The following PIK3R5 variants were observed in gnomAD, a reference collection of about 807,000 sequenced individuals.
The protein encoded by PIK3R5 is phosphoinositide 3-kinase regulatory subunit 5.
A neutral mutation model predicts 94.9 loss-of-function variants in PIK3R5; 32 were observed. The observed-to-expected ratio is 0.34, with a 90% CI of 0.25 to 0.45. PIK3R5 has a LOEUF of 0.45. PIK3R5 is among the 20% of genes least tolerant of loss of function. The pLI is 1.00. For missense variants in PIK3R5, 853 were observed against 1,144.6 expected (o/e 0.75, Z 3.68); for synonymous variants, 443 against 479.4 (o/e 0.92, Z 0.99).
chr17:8,900,491 T>G (rs1467631185), intron 5 of PIK3R5, among the ~76,000 whole-genome samples: 1 of 152,186 alleles, frequency 6.6e-6, no homozygotes, highest in African/African-American at 2.4e-5. Context: ...AGAGGAGAGG[T>G]TCCTGCCATG....
rs1442638713 is a variant in PIK3R5, at chr17:8,893,130, C to A, written c.482+456G>T. On this transcript the variant is annotated intron_variant, in intron 6 of 18. Transcript: ENST00000447110. This position sits in a 1 kb window ranked among gnomAD's most constrained non-coding sequence, Gnocchi z 5.1. ...ATAAAATGGATTTTTCTTATAGGTC[C>A]TGGTCAAAAAAGTTTGGAAACACTG... is the stretch of plus-strand genomic sequence containing the variant. Among the ~76,000 whole-genome samples, 1 of 150,312 alleles carries A rather than the reference C, an allele frequency of 6.7e-6. No homozygotes were observed. Among genetic ancestry groups the A allele is most frequent in the Admixed American group, 6.6e-5 (1 of 15,062 alleles).
In PIK3R5 at chr17:8,881,081, T is replaced by TG; in HGVS notation, c.2383-65_2383-64insC. ...ATCCAACACTGCCAGCCCCTGGCAG[T>TG]TCCTTTTCTCAGAACTGCCCATCCA... On this transcript the variant is annotated intron_variant, in intron 17 of 18. Transcript: ENST00000447110. The surrounding 1 kb of genome is among the most constrained non-coding windows in gnomAD (Gnocchi z 4.8). 1.6e-6 allele frequency: 2 copies of TG among 1,244,040 alleles called. No homozygotes were observed. Among genetic ancestry groups the TG allele is most frequent in the Non-Finnish European group, 2.4e-6 (2 of 843,034 alleles). The allele number at this position is 1,244,040 out of a possible 1,614,324, so 77.1% of individuals were successfully genotyped here.
chr17:8,932,340 TCTC>T (rs2151442643), intron 1 of PIK3R5, among the ~76,000 whole-genome samples: 1 of 152,132 alleles, frequency 6.6e-6, no homozygotes, highest in South Asian at 2.1e-4. Context: ...TTTAAGCAAT[TCTC>T]CTGGCCTCAG....
At chr17:8,886,437 G>A (rs939504864) in intron 13 of PIK3R5, 40 bp downstream of exon 13, 12 of 1,598,762 alleles carry the variant, frequency 7.5e-6, no homozygotes, top group African/African-American at 1.3e-5. Context: ...TGCAGGCCCG[G>A]CAGGTGGGGA....
chr17:8,930,394 T>A (rs2151440358), intron 1 of PIK3R5, among the ~76,000 whole-genome samples: 1 of 152,220 alleles, frequency 6.6e-6, no homozygotes, highest in Non-Finnish European at 1.5e-5. Flanking sequence ...ACTGAAGGAA[T>A]GAAAATGAAT....
At position 8,887,162 on chromosome 17, in the gene PIK3R5, C is replaced by G. The variant is rs1422606019; in HGVS notation, c.1839G>C (p.Met613Ile). 6.2e-7 allele frequency: 1 copy of G among 1,613,910 alleles called. No homozygotes were observed. The highest frequency in any genetic ancestry group is 8.5e-7 in the Non-Finnish European group (1 of 1,180,016). The change falls in exon 12 of 19, where the codon ATG (methionine) becomes ATC (isoleucine). Residue 613 changes from methionine to isoleucine, a missense_variant. Coordinates refer to ENST00000447110, the MANE Select transcript of PIK3R5 (RefSeq NM_001142633.3). ...STNDISHYLG[M>I]LDPWYERNVL... ...CATTGCGCTCATACCAGGGGTCCAG[C>G]ATGCCGAGGTAGTGGGAGATGTCAT... is the stretch of plus-strand genomic sequence containing the variant.
At position 8,911,444 on chromosome 17, in the gene PIK3R5, C is replaced by T. The variant is rs1363237256; in HGVS notation, c.51G>A (p.Leu17=). 6.2e-7 allele frequency: 1 copy of T among 1,600,052 alleles called. No individual in the cohort carries two copies. Among genetic ancestry groups the T allele is most frequent in the African/African-American group, 1.3e-5 (1 of 75,030 alleles). ...TCTEDRIQHA[L]ERCLHGLSLS... is the part of the protein sequence containing the mutation. Reference sequence around the variant, plus strand: ...GGCTGAGTCCATGCAGGCAGCGTTCCAGGGCATGCTGGATGCGGTCCTCCG... The same window carrying T: ...GGCTGAGTCCATGCAGGCAGCGTTCTAGGGCATGCTGGATGCGGTCCTCCG... The change falls in exon 2 of 19, where the codon CTG becomes CTA. Residue 17 remains leucine, a synonymous_variant. Coordinates refer to ENST00000447110, the MANE Select transcript of PIK3R5 (RefSeq NM_001142633.3). This position sits in a 1 kb window ranked among gnomAD's most constrained non-coding sequence, Gnocchi z 5.3.
At position 8,889,999 on chromosome 17, in the gene PIK3R5, T is replaced by A. The variant is rs971550073; in HGVS notation, c.785A>T (p.Glu262Val). 1 of 1,613,586 alleles carries A rather than the reference T, an allele frequency of 6.2e-7. No homozygotes were observed. The highest frequency in any genetic ancestry group is 1.3e-5 in the African/African-American group (1 of 74,772). Residue 262 changes from glutamate (E) to valine (V), a missense_variant, in exon 8 of 19, where the codon GAA (glutamate) becomes GTA (valine). Glu to Val is a moderately radical substitution (Grantham distance 121). Coordinates refer to ENST00000447110, the MANE Select transcript of PIK3R5 (RefSeq NM_001142633.3). The surrounding 1 kb of genome is among the most constrained non-coding windows in gnomAD (Gnocchi z 4.1). ...WLRTKLQAVG[E>V]KAGFPGVLDT... is the part of the protein sequence containing the mutation. ...TAACACCCCAGGGAAGCCAGCTTTT[T>A]CTCCCACCGCCTGCAGCTTGGTCCT...
rs575341987 is a variant in PIK3R5 at position 8,900,983 on chromosome 17, C to T, written c.412+3794G>A. ...ATTTCGGTCTTTGGTGGAAACCCAA[C>T]GCCCTGCCAAGACATTTGCATTTTA... On this transcript the variant is annotated intron_variant, in intron 5 of 18. Transcript: ENST00000447110. Among the ~76,000 whole-genome samples the T allele has an allele frequency of 6.6e-5, 10 of 152,298 alleles. No homozygotes were observed. In the South Asian group the frequency reaches 1.0e-3, roughly 16 times the overall value.
In PIK3R5 at chr17:8,963,146, T is replaced by A. The variant is rs535156280; in HGVS notation, c.-14+2450A>T. ...GCATGAACCACTATGCCTGGCCAGC[T>A]TTCTTTCTTAACACATTGGTTCAGG... On this transcript the variant is annotated intron_variant, in intron 1 of 18. Coordinates refer to ENST00000447110, the MANE Select transcript of PIK3R5 (RefSeq NM_001142633.3). Among the ~76,000 whole-genome samples the A allele has an allele frequency of 2.0e-5, 3 of 152,266 alleles. No individual in the cohort carries two copies. The South Asian group carries it at 6.2e-4, about 32-fold the overall frequency.
chr17:8,885,040 G>A, intron 14 of PIK3R5: 3 of 486,632 alleles, frequency 6.2e-6, no homozygotes, highest in South Asian at 4.4e-5. Flanking sequence ...CCTCTCCAGG[G>A]CCCCATCTCC....
At chr17:8,956,947 G>T (rs1362362933) in intron 1 of PIK3R5, among the ~76,000 whole-genome samples, 1 of 152,222 alleles carries the variant, frequency 6.6e-6, no homozygotes, top group African/African-American at 2.4e-5. Flanking sequence ...GAGGATCCCA[G>T]TATCCATGAA....
At chr17:8,899,191 C>T (rs1399996323) in intron 5 of PIK3R5, among the ~76,000 whole-genome samples, 2 of 152,238 alleles carry the variant, frequency 1.3e-5, no homozygotes, top group Admixed American at 6.5e-5. Context: ...AATTGAGGCA[C>T]TGGGCGATCA....
At chr17:8,960,176 CAT>C (rs1318375937) in intron 1 of PIK3R5, among the ~76,000 whole-genome samples, 1 of 152,194 alleles carries the variant, frequency 6.6e-6, no homozygotes, top group Non-Finnish European at 1.5e-5. Flanking sequence ...ATACCCCACA[CAT>C]GAGATGTTGA....
At position 8,893,028 on chromosome 17, in the gene PIK3R5, G is replaced by A. The variant is rs1005357677; in HGVS notation, c.482+558C>T. ...GAACAGAGCTCATCCTATGTAACCA[G>A]GATACATTTCATTTCAGCTGTGTGT... On this transcript the variant is annotated intron_variant, in intron 6 of 18. Coordinates refer to ENST00000447110, the MANE Select transcript of PIK3R5 (RefSeq NM_001142633.3). The surrounding 1 kb of genome is among the most constrained non-coding windows in gnomAD (Gnocchi z 5.1). 1.9e-4 allele frequency among the ~76,000 whole-genome samples: 29 copies of A among 150,720 alleles called. No homozygotes were observed. Among genetic ancestry groups the A allele is most frequent in the African/African-American group, 7.2e-4 (29 of 40,534 alleles).
intron 1 of PIK3R5, chr17:8,912,382 G>C (rs1227952553): frequency 6.6e-6 from 1 of 152,252 alleles, no homozygotes; most frequent in African/African-American, 2.4e-5. Flanking sequence ...ATATTTGCTA[G>C]CCATGTGACT....
Position 8,911,580 on chromosome 17 carries a change from C to T in PIK3R5, c.-13-73G>A. 1.0e-6 allele frequency: 1 copy of T among 960,112 alleles called. No homozygotes were observed. Among genetic ancestry groups the T allele is most frequent in the African/African-American group, 1.6e-5 (1 of 62,996 alleles). 59.5% of individuals were successfully genotyped at this position (960,112 alleles called of 1,614,324 possible). A position where few individuals can be genotyped will look rare whatever the true frequency, so the allele number is the denominator to read the frequency against. On this transcript the variant is annotated intron_variant, in intron 1 of 18. Coordinates refer to ENST00000447110, the MANE Select transcript of PIK3R5 (RefSeq NM_001142633.3). The surrounding 1 kb of genome is among the most constrained non-coding windows in gnomAD (Gnocchi z 5.3). Reference sequence around the variant, plus strand: ...AGAGCACCTGGTCCAGTAAAGACAACAGGTGCTCACAGTGCAGCGCGATCA... The same window carrying T: ...AGAGCACCTGGTCCAGTAAAGACAATAGGTGCTCACAGTGCAGCGCGATCA...
rs945189414 is a variant in PIK3R5 at position 8,945,437 on chromosome 17, C to G, written c.-14+20159G>C. Among the ~76,000 whole-genome samples, 3 of 152,196 alleles carry G rather than the reference C, an allele frequency of 2.0e-5. No homozygotes were observed. In the East Asian group the frequency reaches 5.8e-4, roughly 29 times the overall value. ...CCTCCACCTGGCAGCCCCTTGGCTA[C>G]TCCTTCATAAGCGAGGCTTCACTGG... On this transcript the variant is annotated intron_variant, in intron 1 of 18. Coordinates refer to ENST00000447110, the MANE Select transcript of PIK3R5 (RefSeq NM_001142633.3). The surrounding 1 kb of genome is among the most constrained non-coding windows in gnomAD (Gnocchi z 4.0).
Position 8,910,760 on chromosome 17 carries a change from C to T in PIK3R5, c.103+632G>A, listed in dbSNP as rs559861948. Among the ~76,000 whole-genome samples the T allele has an allele frequency of 1.8e-4, 28 of 152,194 alleles. 1 individual carries two copies. In the South Asian group the frequency reaches 5.2e-3, roughly 28 times the overall value. On this transcript the variant is annotated intron_variant, in intron 2 of 18. Coordinates refer to ENST00000447110, the MANE Select transcript of PIK3R5 (RefSeq NM_001142633.3). ...CAGCAGGTGCAAAGGTGCTGAGGTACGGAGGGACCAGGTATGTTCAAGGAG... is the reference window on the plus strand; with the variant it reads ...CAGCAGGTGCAAAGGTGCTGAGGTATGGAGGGACCAGGTATGTTCAAGGAG...
Sources: allele counts gnomAD v4.1 joint callset (sites outside exome capture counted in the v4.1 genomes callset), GRCh38; gene constraint gnomAD v4.1.1; non-coding constraint Gnocchi (gnomAD v3.1); transcripts MANE v1.5; gene names NCBI Gene and HGNC (gene_info 2026-07-23, HGNC 2026-07-21).